PTGER3: variants seen among roughly 807,000 people sequenced by gnomAD.
The protein encoded by PTGER3 is prostaglandin E2 receptor EP3 subtype.
In PTGER3, 22 loss-of-function variants were observed where a neutral mutation model predicts 34.7. That is an observed-to-expected ratio of 0.63 (90% confidence interval 0.45 to 0.91). The LOEUF is 0.91. Among genes scored for constraint, PTGER3 ranks in the 40% least tolerant of loss-of-function variants. PTGER3 has a pLI of 0.00. For synonymous variants in PTGER3, 241 were observed against 230.1 expected, an observed-to-expected ratio of 1.05 and a Z score of -0.43; for missense variants, 468 against 519.4, an observed-to-expected ratio of 0.90 and a Z score of 0.96.
At chr1:71,002,859 T>G (rs1656615134) in intron 2 of PTGER3, among the ~76,000 whole-genome samples, 1 of 152,208 alleles carries the variant, frequency 6.6e-6, no homozygotes, top group Non-Finnish European at 1.5e-5. Context: ...CTGGATCTCC[T>G]AAGAAGAAGA....
downstream of PTGER3, among the ~76,000 whole-genome samples, chr1:70,969,153 C>T (rs958817443): frequency 3.3e-5 from 5 of 151,840 alleles, no homozygotes; most frequent in African/African-American, 1.2e-4. Flanking sequence ...GTTGCAGTGA[C>T]CCGAGATCGC....
rs559448128 is a variant in PTGER3 at position 70,870,351 on chromosome 1, T to C, written c.*24-17492A>G. On this transcript the variant is annotated intron_variant, in intron 4 of 4. Transcript: ENST00000370931. ...CCTTCCTAGGTCTTTGATCCTGTGA[T>C]GGGCTGTCTCAAAAGTCTCTGAAAT... Among the ~76,000 whole-genome samples, 21 of 152,340 alleles carry C rather than the reference T, an allele frequency of 1.4e-4. 1 individual carries two copies. In the East Asian group the frequency reaches 3.9e-3, roughly 28 times the overall value.
Position 71,047,009 on chromosome 1 carries a change from A to G in PTGER3, c.569T>C (p.Leu190Pro). 6.2e-7 allele frequency: 1 copy of G among 1,611,274 alleles called. No individual in the cohort carries two copies. The highest frequency in any genetic ancestry group is 8.5e-7 in the Non-Finnish European group (1 of 1,179,086). Residue 190 changes from leucine to proline, a missense_variant, in exon 1 of 4, where the codon CTG becomes CCG. Physicochemically the swap from Leu to Pro is moderately conservative, Grantham distance 98 (BLOSUM62 -3). Coordinates refer to ENST00000306666, the MANE Select transcript of PTGER3 (RefSeq NM_198719.2). ...GVWLAVLAFA[L>P]LPVLGVGQYT... ...CTGGCCCACGCCCAGCACCGGCAGC[A>G]GGGCGAAGGCGAGCACGGCCAGCCA...
At chr1:70,995,425 C>T (rs1324839861) in intron 2 of PTGER3, among the ~76,000 whole-genome samples, 1 of 152,050 alleles carries the variant, frequency 6.6e-6, no homozygotes, top group African/African-American at 2.4e-5. Context: ...AATAGATAGT[C>T]TAGGACACTC....
At chr1:71,006,243 C>T in intron 2 of PTGER3, 4 of 985,358 alleles carry the variant, frequency 4.1e-6, no homozygotes, top group Non-Finnish European at 4.8e-6. Flanking sequence ...TGGGAGGAAC[C>T]AGGGACAGAA....
At chr1:70,967,256 A>G (rs1652621305), downstream of PTGER3, among the ~76,000 whole-genome samples, 1 of 152,116 alleles carries the variant, frequency 6.6e-6, no homozygotes, top group Non-Finnish European at 1.5e-5. Flanking sequence ...TACTTGTCTT[A>G]GGCATCATTC....
chr1:71,005,749 G>A, intron 2 of PTGER3: 1 of 552,452 alleles, frequency 1.8e-6, no homozygotes, highest in Non-Finnish European at 2.3e-6. Flanking sequence ...AGGACATTTG[G>A]CCCCATGCCC....
At chr1:70,932,070 A>G (rs1648756814) in intron 4 of PTGER3, among the ~76,000 whole-genome samples, 1 of 152,108 alleles carries the variant, frequency 6.6e-6, no homozygotes, top group Admixed American at 6.6e-5. Context: ...TCCACCAGAT[A>G]CCTTTAATCA....
chr1:70,909,632 G>T (rs1343061408), intron 4 of PTGER3, among the ~76,000 whole-genome samples: 1 of 152,124 alleles, frequency 6.6e-6, no homozygotes, highest in Admixed American at 6.5e-5. Context: ...TGTGGAGTGG[G>T]CAGGAAATGA....
intron 4 of PTGER3, among the ~76,000 whole-genome samples, chr1:70,940,911 T>C (rs775459541): frequency 6.6e-6 from 1 of 152,196 alleles, no homozygotes; most frequent in Non-Finnish European, 1.5e-5. Flanking sequence ...CACATGATCA[T>C]CTTTAATTTA....
At chr1:70,975,295 T>G in intron 2 of PTGER3, among the ~76,000 whole-genome samples, 1 of 152,120 alleles carries the variant, frequency 6.6e-6, no homozygotes, top group Admixed American at 6.6e-5. Context: ...CTGAGGCCCA[T>G]CCCTCAACAG....
chr1:70,920,848 A>C (rs1647451664), intron 4 of PTGER3, among the ~76,000 whole-genome samples: 2 of 148,542 alleles, frequency 1.3e-5, no homozygotes, highest in African/African-American at 5.0e-5. Flanking sequence ...GAAGCACTAA[A>C]GAGGAAATCA....
chr1:70,998,957 G>A (rs978662769), intron 2 of PTGER3, among the ~76,000 whole-genome samples: 4 of 152,110 alleles, frequency 2.6e-5, no homozygotes, highest in African/African-American at 4.8e-5. Flanking sequence ...CGAGGAGGGC[G>A]GATCACGAGG....
intron 1 of PTGER3, among the ~76,000 whole-genome samples, chr1:71,046,303 A>AC (rs1660803449): frequency 6.6e-6 from 1 of 151,066 alleles, no homozygotes; most frequent in South Asian, 2.1e-4. Flanking sequence ...AAAAAAAAAA[A>AC]AAACCCCACA....
intron 4 of PTGER3, among the ~76,000 whole-genome samples, chr1:70,937,745 T>C (rs1649357969): frequency 6.6e-6 from 1 of 152,174 alleles, no homozygotes; most frequent in South Asian, 2.1e-4. Context: ...CTTACAACCA[T>C]TTATTTAATG....
At chr1:70,931,370 G>A (rs1249713581) in intron 4 of PTGER3, among the ~76,000 whole-genome samples, 1 of 152,180 alleles carries the variant, frequency 6.6e-6, no homozygotes, top group Non-Finnish European at 1.5e-5. Flanking sequence ...CTGGGGTCTG[G>A]AGGACGTCTG....
At chr1:70,890,861 T>C (rs1478339389) in intron 4 of PTGER3, among the ~76,000 whole-genome samples, 1 of 152,216 alleles carries the variant, frequency 6.6e-6, no homozygotes, top group Non-Finnish European at 1.5e-5. Context: ...TCTGGTTTTA[T>C]CTCTAGAGTT....
chr1:70,996,605 C>T (rs750840252), intron 2 of PTGER3, among the ~76,000 whole-genome samples: 3 of 149,954 alleles, frequency 2.0e-5, no homozygotes, highest in Admixed American at 6.6e-5. Context: ...GGACTACAGG[C>T]GCCCGCCACC....
At chr1:70,975,530 T>C (rs1159316607) in intron 2 of PTGER3, among the ~76,000 whole-genome samples, 1 of 152,188 alleles carries the variant, frequency 6.6e-6, no homozygotes, top group Non-Finnish European at 1.5e-5. Flanking sequence ...AAAAATTTAA[T>C]TAAGATTATC....
Sources: gnomAD v4.1 joint callset for allele counts (sites outside exome capture counted in the v4.1 genomes callset) on GRCh38, gnomAD v4.1.1 for gene constraint, MANE v1.5 for transcripts, NCBI Gene and HGNC (gene_info 2026-07-23, HGNC 2026-07-21) for gene names.